Variants in IL2RB observed in about 807,000 individuals in gnomAD.
The protein encoded by IL2RB is interleukin 2 receptor subunit beta, also known as interleukin-2 receptor subunit beta.
IL2RB carries 17 observed loss-of-function variants against 44.2 expected under a neutral mutation model. That is an observed-to-expected ratio of 0.38 (90% CI 0.26 to 0.58). The LOEUF (loss-of-function observed/expected upper bound fraction) is 0.58, where lower values mean the gene tolerates loss of function less well. Ranked by LOEUF, IL2RB falls within the 20% of genes least tolerant of loss-of-function variation. The pLI is 0.63. For missense variants in IL2RB, 624 were observed against 685.5 expected, an observed-to-expected ratio of 0.91 and a Z score of 1.00; for synonymous variants, 286 against 297.9, an observed-to-expected ratio of 0.96 and a Z score of 0.41.
At chr22:37,165,259 G>T (rs1218577290) in intron 1 of IL2RB, among the ~76,000 whole-genome samples, 1 of 152,272 alleles carries the variant, frequency 6.6e-6, no homozygotes, top group African/African-American at 2.4e-5. Flanking sequence ...ACCTTTGGAA[G>T]AAGAGAGCCA....
intron 1 of IL2RB, among the ~76,000 whole-genome samples, chr22:37,144,982 T>C (rs1451389553): frequency 6.6e-6 from 1 of 152,188 alleles, no homozygotes; most frequent in Non-Finnish European, 1.5e-5. Context: ...AAAAAAATTC[T>C]TGAACAAACA....
intron 8 of IL2RB, among the ~76,000 whole-genome samples, chr22:37,134,516 G>A (rs1026155234): frequency 5.3e-5 from 8 of 152,224 alleles, no homozygotes; most frequent in African/African-American, 1.9e-4. Context: ...TGACGCAGGA[G>A]AATCGCTTGA....
intron 5 of IL2RB, among the ~76,000 whole-genome samples, chr22:37,138,740 CT>C (rs1921821563): frequency 6.6e-6 from 1 of 152,200 alleles, no homozygotes; most frequent in Non-Finnish European, 1.5e-5. Context: ...GAGGAAGTGA[CT>C]TTCAACTAAG....
In IL2RB at chr22:37,126,768, G is replaced by A. The variant is rs1022172143; in HGVS notation, c.*1328C>T. ...AACGTGATCTGCCTAGGAAAGATACGTGGAGGGGTCGGGGTAGGGGGTTGA... is the reference window on the plus strand; with the variant it reads ...AACGTGATCTGCCTAGGAAAGATACATGGAGGGGTCGGGGTAGGGGGTTGA... On this transcript the variant is annotated 3_prime_UTR_variant, in exon 10 of 10. Transcript: ENST00000216223. The A allele has an allele frequency of 1.3e-5, 2 of 152,242 alleles. No homozygotes were observed. The highest frequency in any genetic ancestry group is 2.9e-5 in the Non-Finnish European group (2 of 68,078). 9.4% of individuals were successfully genotyped at this position (152,242 alleles called of 1,614,324 possible).
At chr22:37,139,662 A>C (rs751447133) in intron 4 of IL2RB, among the ~76,000 whole-genome samples, 33 of 152,298 alleles carry the variant, frequency 2.2e-4, no homozygotes, top group Non-Finnish European at 4.6e-4. Flanking sequence ...TTCTGGAACT[A>C]TACCTGTTTA....
chr22:37,171,957 G>A (rs1370184328), intron 1 of IL2RB, among the ~76,000 whole-genome samples: 3 of 152,116 alleles, frequency 2.0e-5, no homozygotes, highest in Non-Finnish European at 4.4e-5. Flanking sequence ...AATACACTGT[G>A]TTTCCCTCAT....
chr22:37,135,558 G>C (rs1238905946), intron 7 of IL2RB, 116 bp from the exon 8 acceptor site: 1 of 649,562 alleles, frequency 1.5e-6, no homozygotes, highest in East Asian at 2.6e-5. Flanking sequence ...CCTGCGTCTG[G>C]GGGGCTGGGG....
intron 1 of IL2RB, among the ~76,000 whole-genome samples, chr22:37,158,132 T>TACAAA (rs1165509884): frequency 6.6e-6 from 1 of 152,136 alleles, no homozygotes; most frequent in Non-Finnish European, 1.5e-5. Flanking sequence ...GTTGAACACG[T>TACAAA]GTGTACAAAG....
rs958061654 is a variant in IL2RB at position 37,143,518 on chromosome 22, C to T, written c.203+3G>A. On this transcript the variant is annotated splice_donor_region_variant and intron_variant, in intron 3 of 9. Coordinates refer to ENST00000216223, the MANE Select transcript of IL2RB (RefSeq NM_000878.5). ...GATTCTGCAGTGTGGCCAGTGGACT[C>T]ACCGTCTGTCCGGCCAGGCATGGAC... The T allele has an allele frequency of 6.3e-7, 1 of 1,596,360 alleles. No homozygotes were observed.
chr22:37,174,710 C>A (rs1452819662), intron 1 of IL2RB, among the ~76,000 whole-genome samples: 1 of 152,214 alleles, frequency 6.6e-6, no homozygotes, highest in Non-Finnish European at 1.5e-5. Context: ...GCTTGTGAAT[C>A]AATCTTTTCT....
chr22:37,175,065 G>A (rs947659386), upstream of IL2RB: 1 of 152,274 alleles, frequency 6.6e-6, no homozygotes, highest in Non-Finnish European at 1.5e-5. Context: ...GCAGAGTGAA[G>A]GGGGAAGGGT....
At chr22:37,145,225 C>T (rs957757293) in intron 1 of IL2RB, among the ~76,000 whole-genome samples, 1 of 152,172 alleles carries the variant, frequency 6.6e-6, no homozygotes, top group African/African-American at 2.4e-5. Flanking sequence ...GCTGCAGTAG[C>T]CTTTACGGAG....
intron 1 of IL2RB, among the ~76,000 whole-genome samples, chr22:37,174,461 G>A (rs908373615): frequency 1.3e-5 from 2 of 152,102 alleles, no homozygotes; most frequent in African/African-American, 4.8e-5. Context: ...GATATTGGAG[G>A]ACCAAAAGCA....
intron 1 of IL2RB, among the ~76,000 whole-genome samples, chr22:37,160,679 C>CAAAAAAA (rs10605445): frequency 1.5e-5 from 2 of 136,002 alleles, no homozygotes; most frequent in South Asian, 2.3e-4. Context: ...CTGTCTATGC[C>CAAAAAAA]AAAAAAAAAA....
At position 37,126,607 on chromosome 22, in the gene IL2RB, G is replaced by A. The variant is rs929030459; in HGVS notation, c.*1489C>T. 3 of 152,270 alleles carry A rather than the reference G, an allele frequency of 2.0e-5. No individual in the cohort carries two copies. The highest frequency in any genetic ancestry group is 2.9e-5 in the Non-Finnish European group (2 of 68,078). 9.4% of individuals were successfully genotyped at this position (152,270 alleles called of 1,614,324 possible). ...CCTCATAGGCTGCTGGTCAGAGCCT[G>A]TGGGGGCGTGTGGTCAGGTGCCCAA... On this transcript the variant is annotated 3_prime_UTR_variant, in exon 10 of 10. Coordinates refer to ENST00000216223, the MANE Select transcript of IL2RB (RefSeq NM_000878.5).
chr22:37,152,222 T>C (rs1452547922), upstream of IL2RB, among the ~76,000 whole-genome samples: 1 of 152,244 alleles, frequency 6.6e-6, no homozygotes, highest in African/African-American at 2.4e-5. Flanking sequence ...CTTTTTATTT[T>C]TTGTGTCCTC....
chr22:37,148,340 A>T (rs1380601763), intron 1 of IL2RB, among the ~76,000 whole-genome samples: 1 of 152,150 alleles, frequency 6.6e-6, no homozygotes, highest in Non-Finnish European at 1.5e-5. Context: ...CAAGGAACCC[A>T]CTTAAGGTTG....
chr22:37,160,592 A>T (rs892474711), intron 1 of IL2RB, among the ~76,000 whole-genome samples: 4 of 151,988 alleles, frequency 2.6e-5, no homozygotes, highest in African/African-American at 9.7e-5. Flanking sequence ...TGGTATTTTT[A>T]AAAACGTGAA....
At chr22:37,134,094 C>T (rs1921567425) in intron 8 of IL2RB, among the ~76,000 whole-genome samples, 1 of 152,008 alleles carries the variant, frequency 6.6e-6, no homozygotes, top group Non-Finnish European at 1.5e-5. Flanking sequence ...GGGTTCTGCA[C>T]TCACGGATTC....
Sources: allele counts gnomAD v4.1 joint callset (sites outside exome capture counted in the v4.1 genomes callset), GRCh38; gene constraint gnomAD v4.1.1; transcripts MANE v1.5; gene names NCBI Gene and HGNC (gene_info 2026-07-23, HGNC 2026-07-21).